KNL1: variants seen among roughly 807,000 people sequenced by gnomAD.
KNL1 encodes kinetochore scaffold 1, also known as outer kinetochore KNL1 complex subunit KNL1.
KNL1 carries 66 observed loss-of-function variants against 201.3 expected under a neutral mutation model. The ratio of observed to expected loss-of-function variants is 0.33; its 90% CI spans 0.27 to 0.40. The LOEUF (loss-of-function observed/expected upper bound fraction) is 0.40. KNL1 is among the 10% of genes least tolerant of loss of function. KNL1 has a pLI of 1.00. For synonymous variants in KNL1, 895 were observed against 899.2 expected, an observed-to-expected ratio of 1.00 and a Z score of 0.08; for missense variants, 2,815 against 2,690.5, an observed-to-expected ratio of 1.05 and a Z score of -1.02.
At chr15:40,606,331 A>G in intron 3 of KNL1, 62 bp from the exon 4 acceptor site, 1 of 1,011,506 alleles carries the variant, frequency 9.9e-7, no homozygotes, top group East Asian at 2.4e-5. Flanking sequence ...TATAACTTGA[A>G]ATAAACTGAT....
chr15:40,596,468 G>C (rs1480624221), intron 1 of KNL1, among the ~76,000 whole-genome samples: 1 of 151,940 alleles, frequency 6.6e-6, no homozygotes, highest in African/African-American at 2.4e-5. Flanking sequence ...AGTAGACACG[G>C]GGTTTCACCA....
At chr15:40,599,463 A>G (rs898814081) in intron 1 of KNL1, among the ~76,000 whole-genome samples, 1 of 146,210 alleles carries the variant, frequency 6.8e-6, no homozygotes, top group Non-Finnish European at 1.5e-5. Flanking sequence ...TGCTCACTGC[A>G]GCCTCTGCCT....
chr15:40,650,242 T>C lies in KNL1; in HGVS notation c.6095-59T>C, dbSNP rs1893513171. The C allele has an allele frequency of 4.7e-6, 5 of 1,071,016 alleles. No individual in the cohort carries two copies. The East Asian group carries it at 1.2e-4, about 26-fold the overall frequency. 66.3% of individuals were successfully genotyped at this position (1,071,016 alleles called of 1,614,324 possible). A position where few individuals can be genotyped will look rare whatever the true frequency, so the allele number is the denominator to read the frequency against. On this transcript the variant is annotated intron_variant, in intron 17 of 25. Coordinates refer to ENST00000399668, the MANE Select transcript of KNL1 (RefSeq NM_144508.5). ...TTGAATTATTCTTTTTTTCCTTACT[T>C]TGTTTTCTTTTTTTACTATTTTTCA... is the stretch of plus-strand genomic sequence containing the variant.
intron 19 of KNL1, 75 bp downstream of exon 19, chr15:40,650,658 A>C: frequency 1.5e-6 from 2 of 1,328,444 alleles, no homozygotes; most frequent in Non-Finnish European, 2.0e-6. Flanking sequence ...GCCTCCAGAG[A>C]CTGACAGGAT....
At chr15:40,638,038 G>T (rs1387368853) in intron 13 of KNL1, among the ~76,000 whole-genome samples, 1 of 151,802 alleles carries the variant, frequency 6.6e-6, no homozygotes, top group African/African-American at 2.4e-5. Flanking sequence ...AAAATCAGCC[G>T]GGCCTGGCAG....
At chr15:40,606,290 T>C (rs1334419529) in intron 3 of KNL1, 103 bp from the exon 4 acceptor site, 2 of 681,334 alleles carry the variant, frequency 2.9e-6, no homozygotes, top group Non-Finnish European at 5.3e-6. Flanking sequence ...TTTCAGAGTT[T>C]TTAATGAAAA....
chr15:40,662,578 C>T lies in KNL1; in HGVS notation c.*390C>T, dbSNP rs536524708. On this transcript the variant is annotated 3_prime_UTR_variant, in exon 26 of 26. Transcript: ENST00000399668. The stretch of plus-strand genomic sequence containing the variant: ...GATAGAGCTATGATTTTTTAGGTTG[C>T]CTGGCTTCTGCCTAGCAGATATTTC... The T allele has an allele frequency of 1.8e-5, 4 of 216,986 alleles. No homozygotes were observed. In the South Asian group the frequency reaches 7.3e-4, roughly 40 times the overall value. The allele number at this position is 216,986 out of a possible 1,614,324, so 13.4% of individuals were successfully genotyped here. A position where few individuals can be genotyped will look rare whatever the true frequency, so the allele number is the denominator to read the frequency against.
At position 40,626,579 on chromosome 15, in the gene KNL1, T is replaced by G. The variant is rs374410262; in HGVS notation, c.5376+939T>G. Among the ~76,000 whole-genome samples the G allele has an allele frequency of 1.9e-4, 29 of 152,076 alleles. No individual in the cohort carries two copies. The East Asian group carries it at 2.7e-3, about 14-fold the overall frequency. On this transcript the variant is annotated intron_variant, in intron 10 of 25. Transcript: ENST00000399668. ...GCTGTCATGGAGTTTACATAATATTTATTCATTTATTTATTTTTGAGACAG... is the reference window on the plus strand; with the variant it reads ...GCTGTCATGGAGTTTACATAATATTGATTCATTTATTTATTTTTGAGACAG...
Position 40,620,236 on chromosome 15 carries a change from C to G in KNL1, c.376-404C>G, listed in dbSNP as rs1892473079. ...GAATAATTTTTTTTTTTTTTTGAGACAGAGTCTTGCTCTGTTGCCCAGGCA... is the reference window on the plus strand; with the variant it reads ...GAATAATTTTTTTTTTTTTTTGAGAGAGAGTCTTGCTCTGTTGCCCAGGCA... On this transcript the variant is annotated intron_variant, in intron 9 of 25. Coordinates refer to ENST00000399668, the MANE Select transcript of KNL1 (RefSeq NM_144508.5). 2.7e-5 allele frequency among the ~76,000 whole-genome samples: 4 copies of G among 147,888 alleles called. No individual in the cohort carries two copies. In the Admixed American group the frequency reaches 2.7e-4, roughly 10 times the overall value.
At chr15:40,602,812 A>G in intron 1 of KNL1, 103 bp from the exon 2 acceptor site, 1 of 636,990 alleles carries the variant, frequency 1.6e-6, no homozygotes, top group Non-Finnish European at 2.7e-6. Context: ...GTCTTCCCTC[A>G]GAAAGTAACC....
At chr15:40,597,728 G>A (rs182621431) in intron 1 of KNL1, among the ~76,000 whole-genome samples, 2 of 152,318 alleles carry the variant, frequency 1.3e-5, no homozygotes, top group Admixed American at 1.3e-4. Context: ...ACTTCAGTAA[G>A]TTTGAATTTT....
chr15:40,637,462 G>A (rs1893091674), intron 13 of KNL1, among the ~76,000 whole-genome samples: 2 of 151,676 alleles, frequency 1.3e-5, no homozygotes, highest in Admixed American at 6.6e-5. Context: ...ATTCATTAGA[G>A]GTTGTAAAGA....
chr15:40,645,727 C>G lies in KNL1; in HGVS notation c.5961C>G (p.His1987Gln). 1 of 1,610,996 alleles carries G rather than the reference C, an allele frequency of 6.2e-7. No homozygotes were observed. The highest frequency in any genetic ancestry group is 8.5e-7 in the Non-Finnish European group (1 of 1,179,028). Residue 1987 changes from histidine (H) to glutamine (Q), a missense_variant, in exon 16 of 26, where the codon CAC (histidine) becomes CAG (glutamine). By Grantham distance (24) the His-to-Gln change is conservative. Around this residue, in one of 3 missense-constraint regions of KNL1, gnomAD observed 17 missense variants for 36.2 expected, o/e 0.47. Transcript: ENST00000399668. Reference protein sequence around the residue: ...CFTKMTKVFTHQGKVALYGKL... With the variant: ...CFTKMTKVFTQQGKVALYGKL... ...CCAAGATGACTAAAGTCTTCACTCA[C>G]CAAGGAAAAGTGGCTCTGTATGGCA...
chr15:40,620,366 T>C (rs967209701), intron 9 of KNL1, among the ~76,000 whole-genome samples: 7 of 152,110 alleles, frequency 4.6e-5, no homozygotes, highest in African/African-American at 1.7e-4. Flanking sequence ...CCACCATGCC[T>C]GGCTTATTTT....
intron 6 of KNL1, among the ~76,000 whole-genome samples, chr15:40,611,275 A>C (rs942620904): frequency 2.0e-5 from 3 of 151,626 alleles, no homozygotes; most frequent in Non-Finnish European, 4.4e-5. Flanking sequence ...CACCTGGCTA[A>C]TTTTTGTATT....
In KNL1 at chr15:40,643,537, C is replaced by T. The variant is rs986330768; in HGVS notation, c.5799-1460C>T. ...GCACGCGCCTGTAGTCCTAGCTACT[C>T]GGGAGGCTAAGGCAAGAGAATTGCT... On this transcript the variant is annotated intron_variant, in intron 14 of 25. Transcript: ENST00000399668. Among the ~76,000 whole-genome samples, 8 of 152,212 alleles carry T rather than the reference C, an allele frequency of 5.3e-5. No individual in the cohort carries two copies. The South Asian group carries it at 1.2e-3, about 24-fold the overall frequency.
Position 40,647,178 on chromosome 15 carries a change from A to G in KNL1, c.6094+104A>G. Reference sequence around the variant, plus strand: ...CACGATATTGAAGACTTGTATTAGCAACTTGAGATATTAAATTAGAGTAAA... The same window carrying G: ...CACGATATTGAAGACTTGTATTAGCGACTTGAGATATTAAATTAGAGTAAA... On this transcript the variant is annotated intron_variant, in intron 17 of 25. Transcript: ENST00000399668. 4.5e-6 allele frequency: 3 copies of G among 663,530 alleles called. No individual in the cohort carries two copies. The South Asian group carries it at 4.8e-5, about 11-fold the overall frequency. 41.1% of individuals were successfully genotyped at this position (663,530 alleles called of 1,614,324 possible). A position where few individuals can be genotyped will look rare whatever the true frequency, so the allele number is the denominator to read the frequency against.
chr15:40,622,338 G>C lies in KNL1; in HGVS notation c.2074G>C (p.Glu692Gln). 1.2e-6 allele frequency: 2 copies of C among 1,613,876 alleles called. No homozygotes were observed. Among genetic ancestry groups the C allele is most frequent in the East Asian group, 4.5e-5 (2 of 44,868 alleles). ...AACTAATAGAAATACAGTATCATGGGAACAATCTTTGTTTTCTACCACAAA... is the reference window on the plus strand; with the variant it reads ...AACTAATAGAAATACAGTATCATGGCAACAATCTTTGTTTTCTACCACAAA... Reference protein sequence around the residue: ...QITNRNTVSWEQSLFSTTKPL... With the variant: ...QITNRNTVSWQQSLFSTTKPL... Residue 692 changes from glutamate to glutamine, a missense_variant, in exon 10 of 26, where the codon GAA becomes CAA. Transcript: ENST00000399668.
intron 8 of KNL1, among the ~76,000 whole-genome samples, 153 bp from the exon 9 acceptor site, chr15:40,618,806 T>A (rs1892424005): frequency 6.6e-6 from 1 of 152,172 alleles, no homozygotes; most frequent in Non-Finnish European, 1.5e-5. Flanking sequence ...TATCAATTTT[T>A]AAAAAATTAA....
Sources: gnomAD v4.1 joint callset for allele counts (sites outside exome capture counted in the v4.1 genomes callset) on GRCh38, gnomAD v4.1.1 for gene constraint, gnomAD v4.1.1 regional missense constraint, MANE v1.5 for transcripts, NCBI Gene and HGNC (gene_info 2026-07-23, HGNC 2026-07-21) for gene names.